Variants in PHKB observed in about 807,000 individuals in gnomAD.
PHKB encodes phosphorylase b kinase regulatory subunit beta.
PHKB carries 122 observed loss-of-function variants against 152.1 expected under a neutral mutation model. That is an observed-to-expected ratio of 0.80 (90% CI 0.69 to 0.93). PHKB has a LOEUF of 0.93. Among genes scored for constraint, PHKB ranks in the 40% least tolerant of loss-of-function variants. The pLI is 0.00. For synonymous variants in PHKB, 436 were observed against 464.9 expected (o/e 0.94, Z 0.80); for missense variants, 1,304 against 1,328.4 (o/e 0.98, Z 0.29).
At chr16:47,532,734 A>T (rs1970883368) in intron 6 of PHKB, among the ~76,000 whole-genome samples, 2 of 152,230 alleles carry the variant, frequency 1.3e-5, no homozygotes, top group South Asian at 2.1e-4. Flanking sequence ...CCAAAGAGGG[A>T]GTCAGCCCTG....
intron 14 of PHKB, among the ~76,000 whole-genome samples, chr16:47,636,306 G>A (rs899100835): frequency 1.3e-5 from 2 of 152,238 alleles, no homozygotes; most frequent in Non-Finnish European, 2.9e-5. Context: ...GGCAGCCACT[G>A]TGGGGACACC....
chr16:47,487,433 T>G (rs1001249891), intron 1 of PHKB, among the ~76,000 whole-genome samples: 1 of 151,630 alleles, frequency 6.6e-6, no homozygotes, highest in African/African-American at 2.4e-5. Context: ...ATATATATTT[T>G]TTTTTTCTTT....
chr16:47,599,382 G>A (rs985472914), intron 13 of PHKB, among the ~76,000 whole-genome samples: 7 of 152,090 alleles, frequency 4.6e-5, no homozygotes, highest in African/African-American at 1.7e-4. Context: ...TGTTGTTTGA[G>A]CAAAGCCTCT....
rs188916001 is a variant in PHKB at position 47,509,287 on chromosome 16, C to T, written c.406-2378C>T. Among the ~76,000 whole-genome samples the T allele has an allele frequency of 8.5e-4, 130 of 152,312 alleles. 1 individual carries two copies. The highest frequency in any genetic ancestry group is 3.0e-3 in the African/African-American group (124 of 41,576). On this transcript the variant is annotated intron_variant, in intron 4 of 30. Transcript: ENST00000323584. ...TATTGAGAAGGGATAGTCATCTTCT[C>T]TGAATTAACACCAGATGGCTTTGTC...
At chr16:47,664,244 T>A (rs114258727) in intron 24 of PHKB, 1 of 157,016 alleles carries the variant, frequency 6.4e-6, no homozygotes, top group Non-Finnish European at 1.4e-5. Flanking sequence ...AAAAAAGATG[T>A]AGGAAAGTTT....
intron 16 of PHKB, among the ~76,000 whole-genome samples, chr16:47,644,061 A>G (rs1248151842): frequency 6.6e-6 from 1 of 152,144 alleles, no homozygotes; most frequent in Admixed American, 6.6e-5. Flanking sequence ...GACCTGCCAT[A>G]CCATGGTTCA....
At chr16:47,660,468 T>A in intron 20 of PHKB, 38 bp from the exon 21 acceptor site, 1 of 1,529,534 alleles carries the variant, frequency 6.5e-7, no homozygotes, top group Non-Finnish European at 9.1e-7. Context: ...TGGCTTGATG[T>A]ATCTAAGAGT....
At chr16:47,680,073 A>G (rs1973819056) in intron 26 of PHKB, among the ~76,000 whole-genome samples, 1 of 152,220 alleles carries the variant, frequency 6.6e-6, no homozygotes, top group African/African-American at 2.4e-5. Flanking sequence ...GATTACATTT[A>G]TTGATTTTCA....
chr16:47,618,599 G>C (rs1972562822), intron 14 of PHKB, among the ~76,000 whole-genome samples: 1 of 152,152 alleles, frequency 6.6e-6, no homozygotes, highest in Non-Finnish European at 1.5e-5. Flanking sequence ...TGTTGTCTGA[G>C]AAAGTCATAT....
intron 13 of PHKB, among the ~76,000 whole-genome samples, chr16:47,603,057 C>G (rs954774976): frequency 6.6e-6 from 1 of 152,162 alleles, no homozygotes; most frequent in Non-Finnish European, 1.5e-5. Flanking sequence ...CCCAATTGAT[C>G]TCAAATATAA....
intron 1 of PHKB, among the ~76,000 whole-genome samples, chr16:47,496,835 G>C (rs1488721938): frequency 6.6e-6 from 1 of 152,206 alleles, no homozygotes; most frequent in African/African-American, 2.4e-5. Flanking sequence ...TCTGCTTATA[G>C]TACAGATAAT....
chr16:47,561,405 A>G (rs1971473472), intron 7 of PHKB: 2 of 152,248 alleles, frequency 1.3e-5, no homozygotes. Context: ...TTCTTCCCAA[A>G]GAGGAAAGTG....
At position 47,698,541 on chromosome 16, in the gene PHKB, A is replaced by G; in HGVS notation, c.3097A>G (p.Asn1033Asp). The G allele has an allele frequency of 6.2e-7, 1 of 1,610,966 alleles. No individual in the cohort carries two copies. The highest frequency in any genetic ancestry group is 1.1e-5 in the South Asian group (1 of 91,010). Residue 1033 changes from asparagine to aspartate, a missense_variant, in exon 30 of 31, where the codon AAT (asparagine) becomes GAT (aspartate). Transcript: ENST00000323584. ...AGACAGACTGGTCAAAGAAGCATTTAATGAATTTCAAAAAGATCAGAGTCG... is the reference window on the plus strand; with the variant it reads ...AGACAGACTGGTCAAAGAAGCATTTGATGAATTTCAAAAAGATCAGAGTCG... ...DLDRLVKEAF[N>D]EFQKDQSRLK...
At chr16:47,562,839 C>T (rs1971498823) in intron 7 of PHKB, among the ~76,000 whole-genome samples, 1 of 152,194 alleles carries the variant, frequency 6.6e-6, no homozygotes, top group Non-Finnish European at 1.5e-5. Flanking sequence ...GAACTTTTCT[C>T]AAAATCAGAG....
intron 7 of PHKB, among the ~76,000 whole-genome samples, chr16:47,559,019 A>G (rs1484890185): frequency 6.6e-6 from 1 of 152,216 alleles, no homozygotes; most frequent in African/African-American, 2.4e-5. Context: ...ACATTTCAAA[A>G]TACTGTAAAT....
chr16:47,557,711 G>A (rs375696513), intron 7 of PHKB, among the ~76,000 whole-genome samples: 103 of 152,126 alleles, frequency 6.8e-4, no homozygotes, highest in Middle Eastern at 6.8e-3. Flanking sequence ...TTAGAATGGC[G>A]ATCATTAAAA....
rs567050091 is a variant in PHKB at position 47,497,089 on chromosome 16, A to G, written c.77-310A>G. On this transcript the variant is annotated intron_variant, in intron 1 of 30. Coordinates refer to ENST00000323584, the MANE Select transcript of PHKB (RefSeq NM_000293.3). The stretch of plus-strand genomic sequence containing the variant: ...CTTAATAACTAGAATCTATTGACAA[A>G]TGACTACCACATGAGTATTAGTGAC... Among the ~76,000 whole-genome samples, 322 of 152,314 alleles carry G rather than the reference A, an allele frequency of 2.1e-3. 2 individuals are homozygous for G. Among genetic ancestry groups the G allele is most frequent in the Middle Eastern group, 0.02 (6 of 294 alleles).
At chr16:47,566,876 CT>C (rs1971578429) in intron 7 of PHKB, 1 of 694,166 alleles carries the variant, frequency 1.4e-6, no homozygotes, top group Non-Finnish European at 2.7e-6. Context: ...TCTTATTCTT[CT>C]TTTTTGCTTA....
intron 7 of PHKB, among the ~76,000 whole-genome samples, chr16:47,555,733 G>C (rs1971356859): frequency 6.6e-6 from 1 of 152,164 alleles, no homozygotes; most frequent in Non-Finnish European, 1.5e-5. Context: ...GATCATGTTG[G>C]CTTAGGATTG....
Sources: gnomAD v4.1 joint callset for allele counts (sites outside exome capture counted in the v4.1 genomes callset) on GRCh38, gnomAD v4.1.1 for gene constraint, MANE v1.5 for transcripts, NCBI Gene and HGNC (gene_info 2026-07-23, HGNC 2026-07-21) for gene names.